The following TMEM87A variants were observed in gnomAD, a reference collection of about 807,000 sequenced individuals.
The protein encoded by TMEM87A is Golgi-pH regulating cation channel.
A neutral mutation model predicts 90.0 loss-of-function variants in TMEM87A; 50 were observed. That is an observed-to-expected ratio of 0.56 (90% CI 0.44 to 0.70). The LOEUF (loss-of-function observed/expected upper bound fraction) is 0.70. Among genes scored for constraint, TMEM87A ranks in the 30% least tolerant of loss-of-function variants. TMEM87A has a pLI of 0.00. For synonymous variants in TMEM87A, 226 were observed against 226.7 expected (o/e 1.00, Z 0.03); for missense variants, 577 against 660.5 (o/e 0.87, Z 1.39).
chr15:42,217,748 G>C, intron 19 of TMEM87A, 55 bp downstream of exon 19: 1 of 1,561,166 alleles, frequency 6.4e-7, no homozygotes, highest in Non-Finnish European at 8.8e-7. Context: ...GACGATTCAT[G>C]ACTTTCTATT....
At chr15:42,265,992 T>TAAA (rs2051395488) in intron 3 of TMEM87A, among the ~76,000 whole-genome samples, 2 of 152,216 alleles carry the variant, frequency 1.3e-5, no homozygotes, top group African/African-American at 4.8e-5. Flanking sequence ...GCTTGTTTTT[T>TAAA]GTCAGCTTTG....
At chr15:42,240,751 C>T (rs1217390997) in intron 7 of TMEM87A, among the ~76,000 whole-genome samples, 1 of 152,036 alleles carries the variant, frequency 6.6e-6, no homozygotes, top group African/African-American at 2.4e-5. Flanking sequence ...TCAACAATTC[C>T]CTACTAGCTT....
upstream of TMEM87A, chr15:42,273,455 C>T: frequency 6.2e-7 from 1 of 1,606,022 alleles, no homozygotes; most frequent in East Asian, 2.2e-5. Flanking sequence ...GTTCGTCCCG[C>T]CTTCTTCCGG....
chr15:42,217,894 A>G (rs2140912507), intron 18 of TMEM87A, 61 bp from the exon 19 acceptor site: 3 of 1,521,976 alleles, frequency 2.0e-6, no homozygotes, highest in Non-Finnish European at 2.7e-6. Context: ...ATGGTTCATA[A>G]AAGACAATGG....
intron 6 of TMEM87A, among the ~76,000 whole-genome samples, chr15:42,248,465 T>C (rs1435791482): frequency 6.6e-6 from 1 of 152,088 alleles, no homozygotes; most frequent in African/African-American, 2.4e-5. Flanking sequence ...CCATCAATAC[T>C]TAGTTTATTG....
chr15:42,261,047 G>A, intron 5 of TMEM87A, 45 bp from the exon 6 acceptor site: 1 of 1,571,474 alleles, frequency 6.4e-7, no homozygotes, highest in Non-Finnish European at 8.6e-7. Context: ...AGAACTTCTT[G>A]TTTTTAGCTG....
At chr15:42,221,271 C>CAGAGAG (rs1208211599) in intron 15 of TMEM87A, among the ~76,000 whole-genome samples, 5 of 111,896 alleles carry the variant, frequency 4.5e-5, no homozygotes, top group Admixed American at 1.8e-4. Flanking sequence ...GAGACAGAGA[C>CAGAGAG]AGAGAGAGAG....
At chr15:42,249,947 G>C (rs1390618247) in intron 6 of TMEM87A, among the ~76,000 whole-genome samples, 3 of 152,172 alleles carry the variant, frequency 2.0e-5, no homozygotes, top group Non-Finnish European at 4.4e-5. Context: ...ATGAATCTGG[G>C]TGCTCCTGTA....
chr15:42,230,206 T>C (rs960255472), intron 12 of TMEM87A, among the ~76,000 whole-genome samples: 1 of 152,226 alleles, frequency 6.6e-6, no homozygotes, highest in African/African-American at 2.4e-5. Context: ...AGCTGTTACC[T>C]AGTCATTGGG....
At chr15:42,235,778 C>G (rs1309231586) in intron 10 of TMEM87A, among the ~76,000 whole-genome samples, 1 of 152,200 alleles carries the variant, frequency 6.6e-6, no homozygotes, top group Non-Finnish European at 1.5e-5. Flanking sequence ...TGCTCCACTG[C>G]ACTTTCCACT....
intron 8 of TMEM87A, 24 bp from the exon 9 acceptor site, chr15:42,237,639 T>TA (rs2050796705): frequency 6.5e-7 from 1 of 1,532,558 alleles, no homozygotes; most frequent in Middle Eastern, 1.7e-4. Flanking sequence ...GGGTAAAAGA[T>TA]AAAAAGGAGA....
chr15:42,236,329 C>G lies in TMEM87A; in HGVS notation c.959G>C (p.Gly320Ala). ...GGAAGTTAATACTTACTTGACGATG[C>G]CATATCCCAGACTGACTATGATGAC... ...TLVIIVSLGYGIVKPRLGVTL... is the reference protein window; with the variant it reads ...TLVIIVSLGYAIVKPRLGVTL... Residue 320 changes from glycine to alanine, a missense_variant, in exon 10 of 20, where the codon GGC becomes GCC. Transcript: ENST00000389834. 6.2e-7 allele frequency: 1 copy of G among 1,613,790 alleles called. No individual in the cohort carries two copies. The highest frequency in any genetic ancestry group is 1.1e-5 in the South Asian group (1 of 91,084).
chr15:42,230,285 TAGAA>T (rs1277029180), intron 12 of TMEM87A, among the ~76,000 whole-genome samples: 1 of 152,182 alleles, frequency 6.6e-6, no homozygotes, highest in Non-Finnish European at 1.5e-5. Context: ...ACAAAACACT[TAGAA>T]AGATACTAAT....
intron 10 of TMEM87A, among the ~76,000 whole-genome samples, chr15:42,235,299 A>G (rs1421431432): frequency 6.6e-6 from 1 of 152,202 alleles, no homozygotes; most frequent in East Asian, 1.9e-4. Context: ...TTGGCCTCCC[A>G]AAGTGTGAGG....
intron 6 of TMEM87A, among the ~76,000 whole-genome samples, chr15:42,250,643 G>A (rs1011839040): frequency 3.3e-5 from 5 of 152,136 alleles, no homozygotes; most frequent in African/African-American, 4.8e-5. Context: ...TGGGTAACCC[G>A]ACCTTTCTCT....
At chr15:42,270,726 T>C (rs2051506072) in intron 2 of TMEM87A, among the ~76,000 whole-genome samples, 2 of 152,340 alleles carry the variant, frequency 1.3e-5, no homozygotes, top group African/African-American at 2.4e-5. Context: ...CAAGGGTTAC[T>C]AGGTTACCCA....
At chr15:42,273,206 C>G in intron 1 of TMEM87A, 49 bp downstream of exon 1, 1 of 1,608,420 alleles carries the variant, frequency 6.2e-7, no homozygotes, top group Non-Finnish European at 8.5e-7. Flanking sequence ...CCGCCGTAGC[C>G]CCACCCCTTG....
chr15:42,273,085 G>A, intron 1 of TMEM87A, 170 bp downstream of exon 1: 3 of 769,586 alleles, frequency 3.9e-6, no homozygotes, highest in South Asian at 1.7e-5. Context: ...ACAGAAGTGC[G>A]CGGCTTTCCA....
At chr15:42,235,742 C>T (rs2050758158) in intron 10 of TMEM87A, among the ~76,000 whole-genome samples, 1 of 152,182 alleles carries the variant, frequency 6.6e-6, no homozygotes, top group Non-Finnish European at 1.5e-5. Flanking sequence ...CTATGTACAA[C>T]TGCAAGCTCT....
Sources: allele counts gnomAD v4.1 joint callset (sites outside exome capture counted in the v4.1 genomes callset), GRCh38; gene constraint gnomAD v4.1.1; transcripts MANE v1.5; gene names NCBI Gene and HGNC (gene_info 2026-07-23, HGNC 2026-07-21).